OPCML: variants seen among roughly 807,000 people sequenced by gnomAD.
The protein encoded by OPCML is opioid-binding protein/cell adhesion molecule.
A neutral mutation model predicts 37.8 loss-of-function variants in OPCML; 13 were observed. That is an observed-to-expected ratio of 0.34 (90% CI 0.22 to 0.55). OPCML has a LOEUF of 0.55. OPCML is among the 20% of genes least tolerant of loss of function. The pLI, the probability that OPCML is intolerant of heterozygous loss-of-function variation, is 0.91. For synonymous variants in OPCML, 176 were observed against 168.8 expected, an observed-to-expected ratio of 1.04 and a Z score of -0.33; for missense variants, 341 against 435.6, an observed-to-expected ratio of 0.78 and a Z score of 1.93.
At chr11:132,663,167 A>T (rs914972631) in intron 2 of OPCML, among the ~76,000 whole-genome samples, 4 of 152,226 alleles carry the variant, frequency 2.6e-5, no homozygotes, top group African/African-American at 9.6e-5. Flanking sequence ...TTATACTCTC[A>T]TGTGTTAAAC....
intron 1 of OPCML, among the ~76,000 whole-genome samples, chr11:132,948,782 G>T (rs1184942039): frequency 6.6e-6 from 1 of 152,134 alleles, no homozygotes; most frequent in Non-Finnish European, 1.5e-5. Flanking sequence ...TCGTTATGTA[G>T]CCAAACTCCC....
rs1212966876 is a variant in OPCML, at chr11:132,417,216, TC to T, written c.*2976del. 7 of 152,200 alleles carry T rather than the reference TC, an allele frequency of 4.6e-5. No homozygotes were observed. The highest frequency in any genetic ancestry group is 1.7e-4 in the African/African-American group (7 of 41,438). 9.4% of individuals were successfully genotyped at this position (152,200 alleles called of 1,614,324 possible). On this transcript the variant is annotated 3_prime_UTR_variant, in exon 8 of 8. Coordinates refer to ENST00000524381, the MANE Select transcript of OPCML (RefSeq NM_001012393.5). ...TGAAGTTGGAAAAGTGTGGATATTGTCTTGTGTAAGCATTTGTTGTTCTATA... is the reference window on the plus strand; with the variant it reads ...TGAAGTTGGAAAAGTGTGGATATTGTTTGTGTAAGCATTTGTTGTTCTATA...
intron 2 of OPCML, among the ~76,000 whole-genome samples, chr11:132,698,731 A>G (rs1943696833): frequency 1.3e-5 from 2 of 151,884 alleles, no homozygotes; most frequent in South Asian, 4.1e-4. Flanking sequence ...AATCTTTTTG[A>G]TGGTTTTCTT....
intron 2 of OPCML, among the ~76,000 whole-genome samples, chr11:132,807,602 T>A (rs972978707): frequency 6.6e-6 from 1 of 152,192 alleles, no homozygotes; most frequent in African/African-American, 2.4e-5. Flanking sequence ...GTGCTGTGGA[T>A]TCCTCTCCCT....
At chr11:132,612,376 C>T (rs2137853713) in intron 3 of OPCML, among the ~76,000 whole-genome samples, 1 of 152,254 alleles carries the variant, frequency 6.6e-6, no homozygotes, top group South Asian at 2.1e-4. Context: ...ATTAATACAG[C>T]TTTCCATTTT....
At chr11:133,126,128 C>G (rs571733789) in intron 1 of OPCML, among the ~76,000 whole-genome samples, 1 of 151,742 alleles carries the variant, frequency 6.6e-6, no homozygotes, top group South Asian at 2.1e-4. Context: ...TAGAAATCGG[C>G]TCACATAGAG....
At chr11:132,893,901 C>T (rs1198222860) in intron 2 of OPCML, among the ~76,000 whole-genome samples, 4 of 152,288 alleles carry the variant, frequency 2.6e-5, no homozygotes, top group South Asian at 4.1e-4. Context: ...GTGCTGCATA[C>T]TTGTTTCTTG....
chr11:132,824,840 C>G (rs1940203800), intron 2 of OPCML, among the ~76,000 whole-genome samples: 1 of 152,212 alleles, frequency 6.6e-6, no homozygotes, highest in Admixed American at 6.5e-5. Flanking sequence ...CTTCCTCCTG[C>G]TGCCTGTTCT....
chr11:132,762,375 G>A (rs1946294668), intron 2 of OPCML, among the ~76,000 whole-genome samples: 1 of 152,210 alleles, frequency 6.6e-6, no homozygotes, highest in South Asian at 2.1e-4. Context: ...AGACCTGGCA[G>A]GCAGGAACGT....
chr11:132,431,409 C>T (rs932276342), intron 7 of OPCML, among the ~76,000 whole-genome samples: 6 of 152,216 alleles, frequency 3.9e-5, no homozygotes, highest in African/African-American at 2.4e-5. Flanking sequence ...CTTTCCACAT[C>T]GGGCCACTTT....
intron 1 of OPCML, among the ~76,000 whole-genome samples, chr11:133,342,040 T>C (rs1440958870): frequency 6.6e-6 from 1 of 152,142 alleles, no homozygotes; most frequent in African/African-American, 2.4e-5. Context: ...ACAGAAGTTG[T>C]CTGAACTCTG....
intron 1 of OPCML, among the ~76,000 whole-genome samples, chr11:133,448,598 C>T (rs1007473702): frequency 3.9e-5 from 6 of 152,184 alleles, no homozygotes; most frequent in African/African-American, 1.4e-4. Context: ...GCTGGGGTTA[C>T]AGGTGCCTGC....
rs185104193 is a variant in OPCML, at chr11:133,074,622, A to G, written c.62-131612T>C. ...CTGGGGAGAGTAAAGGATGCCCACC[A>G]GCTAGTCGGGGCTCTTGCCCCCAGG... is the stretch of plus-strand genomic sequence containing the variant. On this transcript the variant is annotated intron_variant, in intron 1 of 7. Coordinates refer to ENST00000524381, the MANE Select transcript of OPCML (RefSeq NM_001012393.5). Among the ~76,000 whole-genome samples, 9 of 152,326 alleles carry G rather than the reference A, an allele frequency of 5.9e-5. No individual in the cohort carries two copies. The East Asian group carries it at 1.7e-3, about 29-fold the overall frequency.
intron 2 of OPCML, among the ~76,000 whole-genome samples, chr11:132,658,260 TTGCCAA>T (rs1175664745): frequency 6.6e-6 from 1 of 152,222 alleles, no homozygotes; most frequent in East Asian, 1.9e-4. Context: ...ACAACCACTC[TTGCCAA>T]TGTCCTGGCA....
chr11:132,483,536 T>C (rs1225292152), intron 4 of OPCML, among the ~76,000 whole-genome samples: 1 of 152,126 alleles, frequency 6.6e-6, no homozygotes, highest in Non-Finnish European at 1.5e-5. Context: ...AAGCTACCAA[T>C]GCCTTTCTTC....
At chr11:132,465,535 T>A (rs1024351664) in intron 4 of OPCML, among the ~76,000 whole-genome samples, 1 of 135,034 alleles carries the variant, frequency 7.4e-6, no homozygotes, top group Non-Finnish European at 1.5e-5. Context: ...TCGATTGGAC[T>A]TTTTTTTACA....
At chr11:132,497,036 T>C (rs1194703450) in intron 4 of OPCML, among the ~76,000 whole-genome samples, 2 of 152,016 alleles carry the variant, frequency 1.3e-5, no homozygotes, top group Non-Finnish European at 2.9e-5. Context: ...GTGAAAAAAG[T>C]GATACCATGG....
chr11:133,066,273 A>T (rs926211126), intron 1 of OPCML: 2 of 152,260 alleles, frequency 1.3e-5, no homozygotes, highest in Non-Finnish European at 2.9e-5. Context: ...AACCACAGCC[A>T]CTTCCCCAAT....
At chr11:133,214,882 C>T (rs11223399) in intron 1 of OPCML, among the ~76,000 whole-genome samples, 3 of 152,072 alleles carry the variant, frequency 2.0e-5, no homozygotes, top group South Asian at 2.1e-4. Context: ...CACTTACTTA[C>T]GAACAGCTAT....
Sources: allele counts gnomAD v4.1 joint callset (sites outside exome capture counted in the v4.1 genomes callset), GRCh38; gene constraint gnomAD v4.1.1; transcripts MANE v1.5; gene names NCBI Gene and HGNC (gene_info 2026-07-23, HGNC 2026-07-21).